Variants in BCAT1 observed in about 807,000 individuals in gnomAD.
BCAT1 encodes branched-chain-amino-acid aminotransferase, cytosolic.
A neutral mutation model predicts 52.4 loss-of-function variants in BCAT1; 48 were observed. The ratio of observed to expected loss-of-function variants is 0.92; its 90% CI spans 0.73 to 1.16. The LOEUF (loss-of-function observed/expected upper bound fraction) is 1.16, where lower values mean the gene tolerates loss of function less well. Ranked by LOEUF, BCAT1 falls within the 50% of genes most tolerant of loss-of-function variation. The pLI is 0.00. For missense variants in BCAT1, 451 were observed against 457.1 expected, an observed-to-expected ratio of 0.99 and a Z score of 0.12; for synonymous variants, 167 against 161.3, an observed-to-expected ratio of 1.04 and a Z score of -0.27.
At chr12:24,939,564 C>T (rs1470542606) in intron 1 of BCAT1, among the ~76,000 whole-genome samples, 1 of 152,192 alleles carries the variant, frequency 6.6e-6, no homozygotes, top group Admixed American at 6.5e-5. Flanking sequence ...TGGCCGGGTG[C>T]AGTGGCTCAC....
chr12:24,816,943 GA>G lies in BCAT1; in HGVS notation c.*1064del, dbSNP rs1432117612. ...GTTCAGGTGGTAATTCGAGTGATGGGAAGTAGCCATAAATACAGATGAAGCT... is the reference window on the plus strand; with the variant it reads ...GTTCAGGTGGTAATTCGAGTGATGGGAGTAGCCATAAATACAGATGAAGCT... On this transcript the variant is annotated 3_prime_UTR_variant, in exon 11 of 11. Transcript: ENST00000261192. The G allele has an allele frequency of 2.0e-5, 4 of 201,664 alleles. No individual in the cohort carries two copies. The highest frequency in any genetic ancestry group is 3.9e-5 in the Non-Finnish European group (4 of 101,422). The allele number at this position is 201,664 out of a possible 1,614,324, so 12.5% of individuals were successfully genotyped here.
chr12:24,913,109 G>A (rs1943356180), intron 1 of BCAT1, among the ~76,000 whole-genome samples: 1 of 151,976 alleles, frequency 6.6e-6, no homozygotes, highest in Non-Finnish European at 1.5e-5. Flanking sequence ...AATGCCATTG[G>A]TTCATGTGCC....
intron 1 of BCAT1, among the ~76,000 whole-genome samples, chr12:24,917,323 C>T (rs1239532902): frequency 2.6e-5 from 4 of 151,612 alleles, no homozygotes; most frequent in East Asian, 2.0e-4. Flanking sequence ...GAACTACAGG[C>T]GCCCGCCACC....
chr12:24,863,093 C>T (rs1178181179), intron 5 of BCAT1, among the ~76,000 whole-genome samples: 2 of 152,156 alleles, frequency 1.3e-5, no homozygotes, highest in Non-Finnish European at 2.9e-5. Flanking sequence ...GATAAAAAGG[C>T]TGATCAACTC....
rs17374606 is a variant in BCAT1 at position 24,901,853 on chromosome 12, G to A, written c.39C>T (p.Thr13=). ...DCSNGCSAEC[T]GEGGSKEVVG... is the part of the protein sequence containing the mutation. ...CCACCTCTTTTGATCCTCCTTCTCC[G>A]GTACACTCTGCGGAGCATCCGTTAC... is the stretch of plus-strand genomic sequence containing the variant. Residue 13 remains threonine (T), a synonymous_variant, in exon 2 of 11, where the codon ACC becomes ACT. Transcript: ENST00000261192. 7.4e-3 allele frequency: 11,878 copies of A among 1,613,872 alleles called. 78 individuals are homozygous for A. The highest frequency in any genetic ancestry group is 0.034 in the Middle Eastern group (208 of 6,062).
chr12:24,917,582 T>G (rs1943438040), intron 1 of BCAT1, among the ~76,000 whole-genome samples: 1 of 152,092 alleles, frequency 6.6e-6, no homozygotes, highest in African/African-American at 2.4e-5. Context: ...TGAATTTCCT[T>G]GAATACACAG....
chr12:24,863,927 T>C (rs1278351949), intron 5 of BCAT1, among the ~76,000 whole-genome samples: 1 of 150,640 alleles, frequency 6.6e-6, no homozygotes, highest in Non-Finnish European at 1.5e-5. Flanking sequence ...CAGGACCTTG[T>C]CTCAAAAAAA....
intron 1 of BCAT1, among the ~76,000 whole-genome samples, chr12:24,909,920 A>G (rs1591867094): frequency 1.3e-5 from 2 of 152,016 alleles, no homozygotes; most frequent in African/African-American, 2.4e-5. Context: ...ATCCAGCATC[A>G]CTGTCAGCCC....
chr12:24,944,343 C>T (rs1245953713), intron 1 of BCAT1, among the ~76,000 whole-genome samples: 1 of 152,200 alleles, frequency 6.6e-6, no homozygotes, highest in Non-Finnish European at 1.5e-5. Flanking sequence ...TTGGCAAAAT[C>T]ACCCTTTTAT....
At chr12:24,877,386 G>C (rs1036818599) in intron 5 of BCAT1, among the ~76,000 whole-genome samples, 2 of 152,146 alleles carry the variant, frequency 1.3e-5, no homozygotes, top group African/African-American at 4.8e-5. Context: ...GCAGATACCA[G>C]AGACAGGTGA....
At chr12:24,824,018 G>A (rs553817190) in intron 10 of BCAT1, among the ~76,000 whole-genome samples, 1 of 152,232 alleles carries the variant, frequency 6.6e-6, no homozygotes, top group South Asian at 2.1e-4. Context: ...AGGTTTGAAT[G>A]CACATATTTT....
intron 1 of BCAT1, 127 bp downstream of exon 1, chr12:24,948,800 G>T: frequency 9.8e-7 from 1 of 1,019,156 alleles, no homozygotes; most frequent in Non-Finnish European, 1.5e-6. Flanking sequence ...TGAGACGTTT[G>T]CGGGGGATAT....
intron 8 of BCAT1, chr12:24,834,435 C>T: frequency 1.0e-6 from 1 of 984,682 alleles, no homozygotes; most frequent in Non-Finnish European, 1.2e-6. Flanking sequence ...TGTGTTTAAA[C>T]TATCTGTTTA....
intron 1 of BCAT1, among the ~76,000 whole-genome samples, chr12:24,927,581 G>C (rs1943610637): frequency 6.6e-6 from 1 of 152,142 alleles, no homozygotes; most frequent in African/African-American, 2.4e-5. Flanking sequence ...ATGATAATGA[G>C]TGACATTAAC....
At chr12:24,935,565 A>C (rs868034144) in intron 1 of BCAT1, among the ~76,000 whole-genome samples, 1 of 152,154 alleles carries the variant, frequency 6.6e-6, no homozygotes, top group Admixed American at 6.6e-5. Flanking sequence ...CCTGACAATG[A>C]ATCTTCTAAT....
chr12:24,931,713 C>G (rs1444709655), intron 1 of BCAT1, among the ~76,000 whole-genome samples: 2 of 152,136 alleles, frequency 1.3e-5, no homozygotes, highest in Non-Finnish European at 2.9e-5. Flanking sequence ...AAAAGTAGAA[C>G]AAAAAGTCAG....
At chr12:24,927,737 G>A (rs1846493534) in intron 1 of BCAT1, among the ~76,000 whole-genome samples, 1 of 152,204 alleles carries the variant, frequency 6.6e-6, no homozygotes, top group African/African-American at 2.4e-5. Context: ...AGAGAATCCA[G>A]GTGTTTCCAA....
chr12:24,822,515 G>A (rs1474945409), intron 10 of BCAT1, among the ~76,000 whole-genome samples: 1 of 152,198 alleles, frequency 6.6e-6, no homozygotes, highest in African/African-American at 2.4e-5. Flanking sequence ...GCAATTCTAT[G>A]CTTTTTCCTT....
At chr12:24,832,995 T>C in intron 8 of BCAT1, 132 bp from the exon 9 acceptor site, 2 of 978,080 alleles carry the variant, frequency 2.0e-6, no homozygotes, top group Admixed American at 5.6e-5. Context: ...AAGGGAAAGC[T>C]GGAAGTGGCA....
Sources: gnomAD v4.1 joint callset for allele counts (sites outside exome capture counted in the v4.1 genomes callset) on GRCh38, gnomAD v4.1.1 for gene constraint, MANE v1.5 for transcripts, NCBI Gene and HGNC (gene_info 2026-07-23, HGNC 2026-07-21) for gene names.